Variants in DIAPH1 observed in about 807,000 individuals in gnomAD.
DIAPH1 encodes the protein diaphanous related formin 1.
Under a neutral mutation model 140.7 loss-of-function variants are expected in DIAPH1, and 46 were observed. The ratio of observed to expected loss-of-function variants is 0.33; its 90% confidence interval spans 0.26 to 0.42. The LOEUF is 0.42. Ranked by LOEUF, DIAPH1 falls within the 10% of genes least tolerant of loss-of-function variation. The pLI, the probability that DIAPH1 is intolerant of heterozygous loss-of-function variation, is 1.00. For synonymous variants in DIAPH1, 565 were observed against 551.6 expected (o/e 1.02, Z -0.34); for missense variants, 1,310 against 1,558.7 (o/e 0.84, Z 2.69).
chr5:141,538,410 T>G (rs527462555), intron 18 of DIAPH1, among the ~76,000 whole-genome samples: 1 of 151,734 alleles, frequency 6.6e-6, no homozygotes, highest in Non-Finnish European at 1.5e-5. Context: ...TGGAGTGCAG[T>G]GGCACAATCT....
chr5:141,591,695 G>GAGATATATATATATATATAT (rs1212743856), intron 1 of DIAPH1, among the ~76,000 whole-genome samples: 98 of 86,336 alleles, frequency 1.1e-3, no homozygotes, highest in Non-Finnish European at 1.8e-3. Flanking sequence ...GGGAGATGGG[G>GAGATATATATATATATATAT]ATATATATAT....
intron 1 of DIAPH1, among the ~76,000 whole-genome samples, chr5:141,616,153 GT>G (rs2099902649): frequency 6.6e-6 from 1 of 152,192 alleles, no homozygotes; most frequent in Non-Finnish European, 1.5e-5. Flanking sequence ...ACAATCATGT[GT>G]TTTTAAAAGA....
At chr5:141,601,090 G>A (rs568706513) in intron 1 of DIAPH1, among the ~76,000 whole-genome samples, 60 of 152,050 alleles carry the variant, frequency 3.9e-4, no homozygotes, top group Non-Finnish European at 1.0e-4. Flanking sequence ...GATGGGGGGA[G>A]AGGGGAGGGA....
At position 141,526,244 on chromosome 5, in the gene DIAPH1, G is replaced by A. The variant is rs1596337303; in HGVS notation, c.3438+53C>T. 2.5e-6 allele frequency: 4 copies of A among 1,614,082 alleles called. No homozygotes were observed. The South Asian group carries it at 3.3e-5, about 13-fold the overall frequency. ...TACTACCAGCCAACAGGAACCCAGG[G>A]GAAAGTGAGAAATGCCCACAAAAGA... On this transcript the variant is annotated intron_variant, in intron 25 of 27. Coordinates refer to ENST00000389054, the MANE Select transcript of DIAPH1 (RefSeq NM_005219.5).
At chr5:141,532,837 T>C (rs1425665167) in intron 19 of DIAPH1, among the ~76,000 whole-genome samples, 2 of 152,246 alleles carry the variant, frequency 1.3e-5, no homozygotes, top group Non-Finnish European at 2.9e-5. Flanking sequence ...CTAGAAATCA[T>C]AATGTACTAC....
At chr5:141,548,727 G>A (rs2099891209) in intron 18 of DIAPH1, among the ~76,000 whole-genome samples, 1 of 152,058 alleles carries the variant, frequency 6.6e-6, no homozygotes, top group African/African-American at 2.4e-5. Context: ...AATCACCTAA[G>A]CCCGAGGAGG....
chr5:141,591,708 A>ATT (rs2099898469), intron 1 of DIAPH1, among the ~76,000 whole-genome samples: 3 of 80,322 alleles, frequency 3.7e-5, no homozygotes, highest in Admixed American at 3.4e-4. Context: ...ATATATATAT[A>ATT]TATATATATA....
chr5:141,566,188 C>T (rs779937398), intron 18 of DIAPH1, among the ~76,000 whole-genome samples: 17 of 152,038 alleles, frequency 1.1e-4, no homozygotes, highest in Non-Finnish European at 2.4e-4. Context: ...AAGATAGAAC[C>T]TGGGTGGTAT....
At chr5:141,568,077 T>G (rs2154596108) in intron 18 of DIAPH1, among the ~76,000 whole-genome samples, 1 of 152,266 alleles carries the variant, frequency 6.6e-6, no homozygotes, top group Non-Finnish European at 1.5e-5. Flanking sequence ...GGAATAAACC[T>G]AAAAATAAAA....
chr5:141,537,470 C>A (rs1343334210), intron 18 of DIAPH1, among the ~76,000 whole-genome samples: 3 of 23,690 alleles, frequency 1.3e-4, no homozygotes, highest in Admixed American at 1.3e-3. Flanking sequence ...GCAAAAAGAG[C>A]AAAACTCCGT....
chr5:141,582,081 A>AAAAG lies in DIAPH1; in HGVS notation c.684+230_684+231insCTTT, dbSNP rs1442999585. ...TCTCAAAAAAAAAAAAAAAAAAAAAAAAAAAAGAGAGAGAAACAAAATTGA... is the reference window on the plus strand; with the variant it reads ...TCTCAAAAAAAAAAAAAAAAAAAAAAAAAGAAAAAAGAGAGAGAAACAAAATTGA... On this transcript the variant is annotated intron_variant, in intron 7 of 27. Transcript: ENST00000389054. 139 of 402,628 alleles carry AAAAG rather than the reference A, an allele frequency of 3.5e-4. 2 individuals carry two copies. The highest frequency in any genetic ancestry group is 2.7e-3 in the African/African-American group (129 of 47,360). 24.9% of individuals were successfully genotyped at this position (402,628 alleles called of 1,614,324 possible).
chr5:141,618,885 G>GGGCCCCAGGCTCCCGCCGGGC lies in DIAPH1; in HGVS notation c.9_29dup (p.Pro4_Pro10dup). On this transcript the variant is annotated inframe_insertion, in exon 1 of 28. Transcript: ENST00000389054. ...TCTTCTTGTCCCGGGTCCCGCGGCC[G>GGGCCCCAGGCTCCCGCCGGGC]GGCCCCAGGCTCCCGCCGGGCGGCT... is the stretch of plus-strand genomic sequence containing the variant. 1 of 1,517,736 alleles carries GGGCCCCAGGCTCCCGCCGGGC rather than the reference G, an allele frequency of 6.6e-7. No homozygotes were observed. Among genetic ancestry groups the GGGCCCCAGGCTCCCGCCGGGC allele is most frequent in the Non-Finnish European group, 8.8e-7 (1 of 1,132,546 alleles). 94.0% of individuals were successfully genotyped at this position (1,517,736 alleles called of 1,614,324 possible). A position where few individuals can be genotyped will look rare whatever the true frequency, so the allele number is the denominator to read the frequency against.
intron 15 of DIAPH1, 22 bp from the exon 16 acceptor site, chr5:141,574,230 G>C: frequency 6.2e-7 from 1 of 1,613,468 alleles, no homozygotes; most frequent in Non-Finnish European, 8.5e-7. Context: ...ACATCAATGT[G>C]AGTACTTCTC....
chr5:141,546,882 A>G (rs1213864071), intron 18 of DIAPH1, among the ~76,000 whole-genome samples: 1 of 152,228 alleles, frequency 6.6e-6, no homozygotes, highest in African/African-American at 2.4e-5. Context: ...TTATCTGTCT[A>G]GAGAGGAAAG....
Position 141,560,762 on chromosome 5 carries a change from T to A in DIAPH1, c.2482+10666A>T, listed in dbSNP as rs551504290. Reference sequence around the variant, plus strand: ...CAAAGGATTCTAGAAATATTCTGTTTTATTCAGGGTTGGGAAGGGAAGTAA... The same window carrying A: ...CAAAGGATTCTAGAAATATTCTGTTATATTCAGGGTTGGGAAGGGAAGTAA... On this transcript the variant is annotated intron_variant, in intron 18 of 27. Coordinates refer to ENST00000389054, the MANE Select transcript of DIAPH1 (RefSeq NM_005219.5). 67 of 430,790 alleles carry A rather than the reference T, an allele frequency of 1.6e-4. 1 individual carries two copies. Among genetic ancestry groups the A allele is most frequent in the Middle Eastern group, 1.0e-3 (3 of 2,900 alleles). The allele number at this position is 430,790 out of a possible 1,614,324, so 26.7% of individuals were successfully genotyped here. A position where few individuals can be genotyped will look rare whatever the true frequency, so the allele number is the denominator to read the frequency against.
Position 141,565,259 on chromosome 5 carries a change from C to T in DIAPH1, c.2482+6169G>A, listed in dbSNP as rs1296283946. 2 of 151,746 alleles carry T rather than the reference C, an allele frequency of 1.3e-5. No individual in the cohort carries two copies. The highest frequency in any genetic ancestry group is 4.8e-5 in the African/African-American group (2 of 41,248). 9.4% of individuals were successfully genotyped at this position (151,746 alleles called of 1,614,324 possible). ...TATATTAAAAAAGAAGTGTGTATACCTTCATGTTTCTGTAATTTTATTTTT... is the reference window on the plus strand; with the variant it reads ...TATATTAAAAAAGAAGTGTGTATACTTTCATGTTTCTGTAATTTTATTTTT... On this transcript the variant is annotated intron_variant, in intron 18 of 27. Coordinates refer to ENST00000389054, the MANE Select transcript of DIAPH1 (RefSeq NM_005219.5). The surrounding 1 kb of genome is among the most constrained non-coding windows in gnomAD (Gnocchi z 4.3).
rs1038136298 is a variant in DIAPH1 at position 141,582,306 on chromosome 5, T to C, written c.684+6A>G. 8.7e-6 allele frequency: 14 copies of C among 1,612,618 alleles called. No homozygotes were observed. The highest frequency in any genetic ancestry group is 1.1e-5 in the Non-Finnish European group (13 of 1,178,886). The stretch of plus-strand genomic sequence containing the variant: ...GGGTTTGGAATGAGAATGGGAAAAA[T>C]CTCACCTTGTTGTTCATAAAAGCTT... On this transcript the variant is annotated splice_donor_region_variant and intron_variant, in intron 7 of 27. Coordinates refer to ENST00000389054, the MANE Select transcript of DIAPH1 (RefSeq NM_005219.5).
intron 8 of DIAPH1, 148 bp from the exon 9 acceptor site, chr5:141,579,344 A>T: frequency 2.6e-6 from 2 of 777,176 alleles, no homozygotes; most frequent in Non-Finnish European, 4.7e-6. Flanking sequence ...CTCACCACTC[A>T]GTTTCCAGAA....
intron 18 of DIAPH1, among the ~76,000 whole-genome samples, chr5:141,545,737 T>C (rs879773903): frequency 2.0e-5 from 3 of 152,188 alleles, no homozygotes; most frequent in Non-Finnish European, 4.4e-5. Flanking sequence ...AACAGACATA[T>C]ATTTTAGGCT....
Sources: allele counts gnomAD v4.1 joint callset (sites outside exome capture counted in the v4.1 genomes callset), GRCh38; gene constraint gnomAD v4.1.1; non-coding constraint Gnocchi (gnomAD v3.1); transcripts MANE v1.5; gene names NCBI Gene and HGNC (gene_info 2026-07-23, HGNC 2026-07-21).